Variants in SYT9 observed in about 807,000 individuals in gnomAD.
SYT9 encodes synaptotagmin-9.
SYT9 carries 22 observed loss-of-function variants against 48.4 expected under a neutral mutation model. The observed-to-expected ratio is 0.45, with a 90% CI of 0.32 to 0.65. The LOEUF (loss-of-function observed/expected upper bound fraction) is 0.65, where lower values mean the gene tolerates loss of function less well. Among genes scored for constraint, SYT9 ranks in the 30% least tolerant of loss-of-function variants. The probability of loss-of-function intolerance (pLI) is 0.03; values close to 1 mark genes in which losing one functional copy is unlikely to be tolerated. For synonymous variants in SYT9, 265 were observed against 245.0 expected (o/e 1.08, Z -0.76); for missense variants, 577 against 622.0 (o/e 0.93, Z 0.77).
intron 1 of SYT9, among the ~76,000 whole-genome samples, chr11:7,245,750 A>G (rs1459288649): frequency 6.6e-6 from 1 of 152,232 alleles, no homozygotes; most frequent in East Asian, 1.9e-4. Flanking sequence ...TCACCCTTTT[A>G]TAACAGCATA....
upstream of SYT9, among the ~76,000 whole-genome samples, chr11:7,248,740 G>T (rs552331058): frequency 3.9e-5 from 6 of 152,268 alleles, no homozygotes; most frequent in African/African-American, 1.4e-4. Context: ...TTAATATTGT[G>T]AAAATGACTA....
intron 1 of SYT9, among the ~76,000 whole-genome samples, chr11:7,294,392 G>C (rs1489226266): frequency 6.6e-6 from 1 of 152,098 alleles, no homozygotes; most frequent in East Asian, 1.9e-4. Context: ...CTAAAATCCA[G>C]TCTCATCTAA....
chr11:7,421,515 A>G (rs1422450515), intron 6 of SYT9, among the ~76,000 whole-genome samples: 1 of 152,230 alleles, frequency 6.6e-6, no homozygotes, highest in African/African-American at 2.4e-5. Flanking sequence ...ACTAAAAACC[A>G]GGGTTCTGTT....
intron 3 of SYT9, among the ~76,000 whole-genome samples, chr11:7,403,946 TG>T (rs2134078456): frequency 6.6e-6 from 1 of 152,230 alleles, no homozygotes; most frequent in East Asian, 1.9e-4. Flanking sequence ...ATTTTGAGAG[TG>T]TGCTGTGAGG....
At chr11:7,353,388 C>T (rs529422114) in intron 3 of SYT9, among the ~76,000 whole-genome samples, 1 of 152,300 alleles carries the variant, frequency 6.6e-6, no homozygotes, top group South Asian at 2.1e-4. Flanking sequence ...CAGCATATAG[C>T]AATCAGCAGC....
chr11:7,418,535 C>T (rs899437807), intron 5 of SYT9, among the ~76,000 whole-genome samples: 3 of 152,210 alleles, frequency 2.0e-5, no homozygotes, highest in Non-Finnish European at 2.9e-5. Context: ...TGATTACTTT[C>T]GCCAGACCAT....
upstream of SYT9, among the ~76,000 whole-genome samples, chr11:7,248,583 GGTGTCCTTTCCAAATAAA>G (rs775657098): frequency 6.6e-6 from 1 of 151,960 alleles, no homozygotes; most frequent in Non-Finnish European, 1.5e-5. Context: ...TGTTGAAAAG[GGTGTCCTTTCCAAATAAA>G]ATACTTAGGA....
At chr11:7,332,415 G>A (rs1849554509) in intron 3 of SYT9, among the ~76,000 whole-genome samples, 1 of 152,226 alleles carries the variant, frequency 6.6e-6, no homozygotes. Context: ...TAGCCGCTAA[G>A]GAATGGATGC....
At chr11:7,382,104 G>A (rs1483503353) in intron 3 of SYT9, among the ~76,000 whole-genome samples, 1 of 152,230 alleles carries the variant, frequency 6.6e-6, no homozygotes, top group East Asian at 1.9e-4. Flanking sequence ...ATGAGGATAT[G>A]TAAACAAGCA....
intron 6 of SYT9, among the ~76,000 whole-genome samples, chr11:7,449,591 AG>A (rs1170897091): frequency 1.3e-5 from 2 of 152,076 alleles, no homozygotes; most frequent in African/African-American, 4.8e-5. Flanking sequence ...GCTGGTTTGG[AG>A]AAGGGGAAGT....
intron 2 of SYT9, among the ~76,000 whole-genome samples, chr11:7,310,547 C>T (rs750612083): frequency 4.3e-5 from 6 of 138,770 alleles, no homozygotes; most frequent in South Asian, 2.4e-4. Flanking sequence ...CCCAGGTTCA[C>T]GCTGTTCTCC....
intron 1 of SYT9, among the ~76,000 whole-genome samples, chr11:7,290,144 A>G (rs888719174): frequency 3.3e-5 from 5 of 152,222 alleles, no homozygotes; most frequent in African/African-American, 2.4e-5. Flanking sequence ...TTCAAGACAG[A>G]CAAATGAGGA....
chr11:7,466,736 A>G (rs957562278), intron 6 of SYT9, 56 bp from the exon 7 acceptor site: 4 of 1,561,872 alleles, frequency 2.6e-6, no homozygotes, highest in Non-Finnish European at 3.5e-6. Flanking sequence ...AAAAAAAAAA[A>G]GAAAAAAAAT....
At chr11:7,324,518 T>C (rs1849393217) in intron 3 of SYT9, among the ~76,000 whole-genome samples, 1 of 151,986 alleles carries the variant, frequency 6.6e-6, no homozygotes, top group Non-Finnish European at 1.5e-5. Flanking sequence ...TTTTTTAAAA[T>C]ATGCATTTAA....
chr11:7,265,946 G>A (rs1848173088), intron 1 of SYT9, among the ~76,000 whole-genome samples: 1 of 152,036 alleles, frequency 6.6e-6, no homozygotes. Flanking sequence ...GATTCCTGTA[G>A]GCTATAAATC....
At chr11:7,246,461 T>C (rs1458205545) in intron 1 of SYT9, among the ~76,000 whole-genome samples, 2 of 152,196 alleles carry the variant, frequency 1.3e-5, no homozygotes, top group Non-Finnish European at 2.9e-5. Context: ...AAAGAACAAA[T>C]AGTTGGGGAA....
At chr11:7,415,889 C>G (rs1345402814) in intron 3 of SYT9, among the ~76,000 whole-genome samples, 153 bp from the exon 4 acceptor site, 1 of 152,154 alleles carries the variant, frequency 6.6e-6, no homozygotes, top group East Asian at 1.9e-4. Context: ...TTATTATTCT[C>G]CCTGTGACTG....
chr11:7,398,696 G>A (rs557827687), intron 3 of SYT9, among the ~76,000 whole-genome samples: 1 of 152,084 alleles, frequency 6.6e-6, no homozygotes, highest in Non-Finnish European at 1.5e-5. Context: ...TCTCGTGTAC[G>A]GGTTAAGCAT....
chr11:7,332,013 A>G (rs1336522929), intron 3 of SYT9, among the ~76,000 whole-genome samples: 1 of 152,200 alleles, frequency 6.6e-6, no homozygotes, highest in African/African-American at 2.4e-5. Context: ...TAGCTCCAAT[A>G]TGGCGTGTGA....
Sources: allele counts gnomAD v4.1 joint callset (sites outside exome capture counted in the v4.1 genomes callset), GRCh38; gene constraint gnomAD v4.1.1; transcripts MANE v1.5; gene names NCBI Gene and HGNC (gene_info 2026-07-23, HGNC 2026-07-21).